The following BMERB1 variants were observed in gnomAD, a reference collection of about 807,000 sequenced individuals.
BMERB1 encodes bMERB domain containing 1, also known as bMERB domain-containing protein 1.
Under a neutral mutation model 23.6 loss-of-function variants are expected in BMERB1, and 12 were observed. That is an observed-to-expected ratio of 0.51 (90% CI 0.33 to 0.82). The LOEUF (loss-of-function observed/expected upper bound fraction) is 0.82. BMERB1 is among the 40% of genes least tolerant of loss of function. The probability of loss-of-function intolerance (pLI) is 0.03; values close to 1 mark genes in which losing one functional copy is unlikely to be tolerated. For missense variants in BMERB1, 247 were observed against 255.4 expected (o/e 0.97, Z 0.22); for synonymous variants, 122 against 96.6 (o/e 1.26, Z -1.54).
chr16:15,520,957 A>ACC (rs1223688387), intron 2 of BMERB1, among the ~76,000 whole-genome samples: 8 of 152,006 alleles, frequency 5.3e-5, no homozygotes, highest in African/African-American at 1.4e-4. Context: ...GAGATACCAG[A>ACC]CCCCTCATTC....
At chr16:15,468,162 T>TTTTTTTTTTTTTTTTTTTTTC (rs57267276) in intron 1 of BMERB1, among the ~76,000 whole-genome samples, 1 of 64,532 alleles carries the variant, frequency 1.5e-5, no homozygotes, top group Non-Finnish European at 3.1e-5. Flanking sequence ...TTTTTTTTTT[T>TTTTTTTTTTTTTTTTTTTTTC]TGAGGCAGGG....
intron 1 of BMERB1, among the ~76,000 whole-genome samples, chr16:15,507,075 A>G (rs947894977): frequency 1.3e-5 from 2 of 152,240 alleles, no homozygotes; most frequent in Admixed American, 6.5e-5. Flanking sequence ...ACGTAAAGTT[A>G]TAAAGCAGAA....
chr16:15,559,819 C>A (rs1166030781), intron 2 of BMERB1, among the ~76,000 whole-genome samples: 1 of 152,118 alleles, frequency 6.6e-6, no homozygotes, highest in East Asian at 1.9e-4. Context: ...AAGAACAGAG[C>A]TGAGTAATTC....
At chr16:15,533,168 C>G (rs758192118) in intron 2 of BMERB1, 30 of 321,566 alleles carry the variant, frequency 9.3e-5, no homozygotes, top group Non-Finnish European at 1.8e-4. Flanking sequence ...TTTCCTTTAC[C>G]ACCAGGAAGA....
chr16:15,436,258 T>G (rs1001421822), intron 1 of BMERB1, among the ~76,000 whole-genome samples: 1 of 2,876 alleles, frequency 3.5e-4, no homozygotes, highest in Non-Finnish European at 1.1e-3. Flanking sequence ...TTAGTTTAGC[T>G]TTTTTTTTTT....
chr16:15,478,335 AT>A (rs2051290287), intron 1 of BMERB1, among the ~76,000 whole-genome samples: 1 of 151,816 alleles, frequency 6.6e-6, no homozygotes, highest in Non-Finnish European at 1.5e-5. Flanking sequence ...TAATTTTTGT[AT>A]TTTTAGTAGA....
At chr16:15,510,494 T>C (rs2150948296) in intron 1 of BMERB1, among the ~76,000 whole-genome samples, 1 of 152,232 alleles carries the variant, frequency 6.6e-6, no homozygotes, top group East Asian at 1.9e-4. Context: ...ATATTAAACG[T>C]GACGTGCCGG....
chr16:15,452,445 G>A (rs2051051057), intron 1 of BMERB1, among the ~76,000 whole-genome samples: 1 of 151,914 alleles, frequency 6.6e-6, no homozygotes, highest in Admixed American at 6.6e-5. Flanking sequence ...GAAAATTCCG[G>A]GTACTGTCAT....
At chr16:15,495,613 A>C (rs989110998) in intron 1 of BMERB1, among the ~76,000 whole-genome samples, 1 of 152,046 alleles carries the variant, frequency 6.6e-6, no homozygotes, top group Non-Finnish European at 1.5e-5. Flanking sequence ...TGATCTGCCC[A>C]CCTCGGCCTC....
At chr16:15,468,226 A>G (rs1024851699) in intron 1 of BMERB1, among the ~76,000 whole-genome samples, 3 of 139,390 alleles carry the variant, frequency 2.2e-5, no homozygotes, top group African/African-American at 5.5e-5. Context: ...GCTCACTACA[A>G]ACTTTGTCTC....
Position 15,434,659 on chromosome 16 carries a change from A to G in BMERB1, c.6A>G (p.Glu2=), listed in dbSNP as rs2050871114. Residue 2 remains glutamate (E), a synonymous_variant, in exon 1 of 6, where the codon GAA becomes GAG. Coordinates refer to ENST00000300006, the MANE Select transcript of BMERB1 (RefSeq NM_033201.3). M[E]LKQSLSTHLE... is the part of the protein sequence containing the mutation. Reference sequence around the variant, plus strand: ...CCTGGCCACGGGGATCAGCGATGGAATTAAAGCAATCTTTGTCCACCCATC... The same window carrying G: ...CCTGGCCACGGGGATCAGCGATGGAGTTAAAGCAATCTTTGTCCACCCATC... 6 of 1,613,848 alleles carry G rather than the reference A, an allele frequency of 3.7e-6. No individual in the cohort carries two copies. The highest frequency in any genetic ancestry group is 5.1e-6 in the Non-Finnish European group (6 of 1,179,790).
At chr16:15,438,748 C>T (rs1023424733) in intron 1 of BMERB1, among the ~76,000 whole-genome samples, 1 of 152,206 alleles carries the variant, frequency 6.6e-6, no homozygotes, top group African/African-American at 2.4e-5. Flanking sequence ...ATGTGAGCTA[C>T]CATGCCTGGG....
At chr16:15,434,874 C>A in intron 1 of BMERB1, 115 bp downstream of exon 1, 1 of 867,034 alleles carries the variant, frequency 1.2e-6, no homozygotes, top group Non-Finnish European at 1.8e-6. Context: ...AGCGCCCCCG[C>A]AGCGGGGCTG....
chr16:15,510,404 C>T (rs531451679), intron 1 of BMERB1, among the ~76,000 whole-genome samples: 1 of 152,262 alleles, frequency 6.6e-6, no homozygotes, highest in African/African-American at 2.4e-5. Flanking sequence ...ACCTACTGAA[C>T]TTGCTGGCTT....
Position 15,588,195 on chromosome 16 carries a change from A to G in BMERB1, c.*1366A>G, listed in dbSNP as rs545309298. 1 of 152,236 alleles carries G rather than the reference A, an allele frequency of 6.6e-6. No individual in the cohort carries two copies. The highest frequency in any genetic ancestry group is 1.9e-4 in the East Asian group (1 of 5,180). 9.4% of individuals were successfully genotyped at this position (152,236 alleles called of 1,614,324 possible). ...ATTTATAACCAGTTTTTTCCTACTT[A>G]TTATACCACCATCTTCCACATCATT... On this transcript the variant is annotated 3_prime_UTR_variant, in exon 6 of 6. Transcript: ENST00000300006.
At chr16:15,565,183 C>T (rs540655027) in intron 2 of BMERB1, among the ~76,000 whole-genome samples, 92 of 152,152 alleles carry the variant, frequency 6.0e-4, no homozygotes, top group African/African-American at 2.0e-3. Context: ...TTGATGGAGA[C>T]GCTGAGGAAC....
At chr16:15,450,575 A>T (rs957721285) in intron 1 of BMERB1, among the ~76,000 whole-genome samples, 1 of 152,130 alleles carries the variant, frequency 6.6e-6, no homozygotes, top group Non-Finnish European at 1.5e-5. Flanking sequence ...GGCTCAAGCA[A>T]TCCTCCTGCC....
At chr16:15,575,021 G>C (rs2030823109) in intron 3 of BMERB1, among the ~76,000 whole-genome samples, 1 of 152,202 alleles carries the variant, frequency 6.6e-6, no homozygotes, top group African/African-American at 2.4e-5. Flanking sequence ...GGGGGTTGCA[G>C]TGAGCCAAGA....
At chr16:15,502,369 A>G (rs1190552738) in intron 1 of BMERB1, 7 of 1,550,452 alleles carry the variant, frequency 4.5e-6, no homozygotes, top group African/African-American at 2.7e-5. Context: ...GGCGGAGTGC[A>G]AAGAAAGGTA....
Sources: allele counts gnomAD v4.1 joint callset (sites outside exome capture counted in the v4.1 genomes callset), GRCh38; gene constraint gnomAD v4.1.1; transcripts MANE v1.5; gene names NCBI Gene and HGNC (gene_info 2026-07-23, HGNC 2026-07-21).